CR1L: variants seen among roughly 807,000 people sequenced by gnomAD.
CR1L encodes complement C3b/C4b receptor 1 like.
A neutral mutation model predicts 62.3 loss-of-function variants in CR1L; 59 were observed. That is an observed-to-expected ratio of 0.95 (90% confidence interval 0.77 to 1.18). CR1L has a LOEUF of 1.18. CR1L is among the 50% of genes most tolerant of loss of function. CR1L has a pLI of 0.00. For missense variants in CR1L, 700 were observed against 702.8 expected, an observed-to-expected ratio of 1.00 and a Z score of 0.04; for synonymous variants, 279 against 248.7, an observed-to-expected ratio of 1.12 and a Z score of -1.15.
At chr1:207,688,070 C>T (rs1453130061) in intron 4 of CR1L, among the ~76,000 whole-genome samples, 1 of 151,938 alleles carries the variant, frequency 6.6e-6, no homozygotes, top group African/African-American at 2.4e-5. Context: ...GCCAGGAGTT[C>T]GAGACCAGCC....
In CR1L at chr1:207,701,295, T is replaced by C. The variant is rs112043064; in HGVS notation, c.1229-224T>C. Reference sequence around the variant, plus strand: ...GGGATGCAAGGTCTCTACACAGATCTAAATCTAGATCTAGATAGATCTGGA... The same window carrying C: ...GGGATGCAAGGTCTCTACACAGATCCAAATCTAGATCTAGATAGATCTGGA... On this transcript the variant is annotated intron_variant, in intron 8 of 11. Transcript: ENST00000508064. Among the ~76,000 whole-genome samples the C allele has an allele frequency of 6.2e-3, 939 of 152,304 alleles. 16 individuals carry two copies. The highest frequency in any genetic ancestry group is 0.022 in the African/African-American group (895 of 41,566).
At chr1:207,656,008 G>C (rs1663304247) in intron 1 of CR1L, among the ~76,000 whole-genome samples, 1 of 152,168 alleles carries the variant, frequency 6.6e-6, no homozygotes, top group Non-Finnish European at 1.5e-5. Context: ...GGAGGCCGAC[G>C]CGGGTGGATC....
Position 207,694,632 on chromosome 1 carries a change from T to C in CR1L, c.743T>C (p.Phe248Ser), listed in dbSNP as rs1664044799. 5.6e-6 allele frequency: 9 copies of C among 1,611,904 alleles called. No homozygotes were observed. In the East Asian group the frequency reaches 1.8e-4, roughly 32 times the overall value. The change falls in exon 5 of 12, where the codon TTT becomes TCT. Residue 248 changes from phenylalanine to serine, a missense_variant. Phe to Ser is a radical substitution (Grantham distance 155, BLOSUM62 -2). Transcript: ENST00000508064. ...GILVSDNRSL[F>S]SLNEVVEFRC... Reference sequence around the variant, plus strand: ...TTGGTATCTGACAACAGAAGCTTATTTTCCTTAAATGAAGTTGTGGAGTTT... The same window carrying C: ...TTGGTATCTGACAACAGAAGCTTATCTTCCTTAAATGAAGTTGTGGAGTTT...
intron 1 of CR1L, among the ~76,000 whole-genome samples, chr1:207,674,702 C>T (rs1663662037): frequency 6.6e-6 from 1 of 152,194 alleles, no homozygotes; most frequent in Non-Finnish European, 1.5e-5. Context: ...CGTTTACCCT[C>T]TCTTAATACA....
intron 1 of CR1L, among the ~76,000 whole-genome samples, chr1:207,651,640 G>A (rs984186888): frequency 7.3e-5 from 11 of 151,634 alleles, no homozygotes; most frequent in Non-Finnish European, 1.0e-4. Flanking sequence ...ATGAGTTGCC[G>A]CAGTAGAAAT....
chr1:207,694,467 G>A lies in CR1L; in HGVS notation c.578G>A (p.Gly193Glu), dbSNP rs753019981. 1.9e-6 allele frequency: 3 copies of A among 1,613,760 alleles called. No homozygotes were observed. In the African/African-American group the frequency reaches 4.0e-5, roughly 22 times the overall value. The change falls in exon 5 of 12, where the codon GGG becomes GAG. Residue 193 changes from glycine to glutamate, a missense_variant. Coordinates refer to ENST00000508064, the MANE Select transcript of CR1L (RefSeq NM_175710.2). The part of the protein sequence containing the change: ...VTYHCNLGSR[G>E]KKVFELVGEP... ...TACCACTGCAATCTTGGAAGCAGAG[G>A]GAAAAAGGTGTTTGAGCTTGTGGGT...
At chr1:207,656,815 C>T (rs1348692994) in intron 1 of CR1L, among the ~76,000 whole-genome samples, 4 of 152,186 alleles carry the variant, frequency 2.6e-5, no homozygotes, top group Non-Finnish European at 5.9e-5. Context: ...AGACCCCTCC[C>T]ACCAGGCCCC....
chr1:207,721,446 G>A (rs1487361432), intron 11 of CR1L, among the ~76,000 whole-genome samples: 1 of 150,312 alleles, frequency 6.7e-6, no homozygotes, highest in Non-Finnish European at 1.5e-5. Context: ...GCGGTGTTTG[G>A]TTTTTCGTTC....
chr1:207,657,450 T>C (rs1428785730), intron 1 of CR1L: 5 of 547,362 alleles, frequency 9.1e-6, no homozygotes, highest in East Asian at 9.0e-5. Context: ...TTTATTTTAA[T>C]ACAGGTCAAT....
chr1:207,680,834 G>A (rs544551929), intron 3 of CR1L, among the ~76,000 whole-genome samples: 1 of 152,290 alleles, frequency 6.6e-6, no homozygotes, highest in Non-Finnish European at 1.5e-5. Context: ...TCCTTGGAAT[G>A]TAGCAATATG....
At chr1:207,708,851 T>G (rs550101406) in intron 10 of CR1L, 4 of 407,648 alleles carry the variant, frequency 9.8e-6, no homozygotes, top group South Asian at 7.4e-5. Flanking sequence ...GGTGGGAGAA[T>G]AAGTGGGAAC....
chr1:207,648,241 T>C (rs1250808425), intron 1 of CR1L, among the ~76,000 whole-genome samples: 2 of 133,748 alleles, frequency 1.5e-5, no homozygotes, highest in East Asian at 4.2e-4. Flanking sequence ...AAAAAAAACC[T>C]GGAAGTTGAA....
intron 7 of CR1L, among the ~76,000 whole-genome samples, 189 bp downstream of exon 7, chr1:207,698,062 C>T (rs34550158): frequency 0.049 from 7,448 of 152,036 alleles, 289 homozygotes; most frequent in Non-Finnish European, 0.079. Context: ...GAACTAATAA[C>T]ATGAGATATG....
At chr1:207,654,882 G>A (rs988843195) in intron 1 of CR1L, among the ~76,000 whole-genome samples, 3 of 152,178 alleles carry the variant, frequency 2.0e-5, no homozygotes, top group Admixed American at 6.5e-5. Flanking sequence ...GAGCAAAGTC[G>A]TGTGAGAAAA....
In CR1L at chr1:207,657,812, C is replaced by T. The variant is rs374009157; in HGVS notation, c.97+12482C>T. On this transcript the variant is annotated intron_variant, in intron 1 of 11. Transcript: ENST00000508064. ...GACTTGCCCGTTTAAACAAAGAAAT[C>T]ACAGAATAACAGTGATTTAAAAGTA... 1.2e-4 allele frequency among the ~76,000 whole-genome samples: 18 copies of T among 152,268 alleles called. No individual in the cohort carries two copies. The East Asian group carries it at 3.3e-3, about 28-fold the overall frequency.
At chr1:207,672,164 AT>A (rs1289454645) in intron 1 of CR1L, among the ~76,000 whole-genome samples, 1 of 150,708 alleles carries the variant, frequency 6.6e-6, no homozygotes, top group African/African-American at 2.5e-5. Flanking sequence ...AATATAGACA[AT>A]ATATATTAAA....
Position 207,683,902 on chromosome 1 carries a change from A to T in CR1L, c.408A>T (p.Thr136=). Residue 136 remains threonine (T), a synonymous_variant, in exon 4 of 12, where the codon ACA becomes ACT. Transcript: ENST00000508064. ...GYRLIGSSSA[T]CIISGNTVIW... ...GACTCATTGGTTCCTCGTCTGCCAC[A>T]TGCATCATCTCAGGCAACACTGTCA... 6.2e-7 allele frequency: 1 copy of T among 1,613,574 alleles called. No individual in the cohort carries two copies. The highest frequency in any genetic ancestry group is 8.5e-7 in the Non-Finnish European group (1 of 1,179,640).
chr1:207,666,715 G>A lies in CR1L; in HGVS notation c.98-10674G>A, dbSNP rs117189354. Among the ~76,000 whole-genome samples, 57 of 152,334 alleles carry A rather than the reference G, an allele frequency of 3.7e-4. No individual in the cohort carries two copies. The East Asian group carries it at 0.01, about 27-fold the overall frequency. On this transcript the variant is annotated intron_variant, in intron 1 of 11. Transcript: ENST00000508064. ...GGGATCTATTGGAGGGTAGAGGATA[G>A]GAAGAGGGAGAGGATTAGGAAAAAT...
intron 1 of CR1L, among the ~76,000 whole-genome samples, chr1:207,648,720 G>T (rs1303416939): frequency 6.6e-6 from 1 of 152,160 alleles, no homozygotes; most frequent in Non-Finnish European, 1.5e-5. Context: ...TTCAATGAAA[G>T]AAGCCAAGAC....
Sources: gnomAD v4.1 joint callset for allele counts (sites outside exome capture counted in the v4.1 genomes callset) on GRCh38, gnomAD v4.1.1 for gene constraint, MANE v1.5 for transcripts, NCBI Gene and HGNC (gene_info 2026-07-23, HGNC 2026-07-21) for gene names.